The following ARHGAP15 variants were observed in gnomAD, a reference collection of about 807,000 sequenced individuals.
ARHGAP15 encodes the protein Rho GTPase activating protein 15.
A neutral mutation model predicts 63.7 loss-of-function variants in ARHGAP15; 51 were observed. The observed-to-expected ratio is 0.80, with a 90% CI of 0.64 to 1.01. The LOEUF (loss-of-function observed/expected upper bound fraction) is 1.01. ARHGAP15 is among the 50% of genes least tolerant of loss of function. The pLI is 0.00. For missense variants in ARHGAP15, 560 were observed against 564.6 expected (o/e 0.99, Z 0.08); for synonymous variants, 191 against 193.8 (o/e 0.99, Z 0.12).
chr2:143,447,841 C>A (rs2105124699), intron 8 of ARHGAP15, among the ~76,000 whole-genome samples: 3 of 152,222 alleles, frequency 2.0e-5, no homozygotes, highest in Admixed American at 2.0e-4. Flanking sequence ...AGATTTTATG[C>A]ATGAGGAATG....
chr2:143,392,018 G>A (rs1413213914), intron 6 of ARHGAP15, among the ~76,000 whole-genome samples: 1 of 151,970 alleles, frequency 6.6e-6, no homozygotes, highest in African/African-American at 2.4e-5. Context: ...GAGGTCCACT[G>A]GCTTTGACAA....
intron 13 of ARHGAP15, among the ~76,000 whole-genome samples, chr2:143,733,609 TAACA>T (rs1161248053): frequency 1.3e-5 from 2 of 152,204 alleles, no homozygotes; most frequent in African/African-American, 4.8e-5. Flanking sequence ...GTAGCAAGTT[TAACA>T]AACTTATTTC....
intron 3 of ARHGAP15, among the ~76,000 whole-genome samples, chr2:143,210,168 T>A (rs1455189635): frequency 6.6e-6 from 1 of 152,018 alleles, no homozygotes; most frequent in African/African-American, 2.4e-5. Flanking sequence ...ATAAATAGAA[T>A]TCAGGGAAGA....
At chr2:143,685,173 G>C (rs183112917) in intron 12 of ARHGAP15, among the ~76,000 whole-genome samples, 1 of 151,790 alleles carries the variant, frequency 6.6e-6, no homozygotes, top group Non-Finnish European at 1.5e-5. Flanking sequence ...CTCGGGAGAG[G>C]GGGGTGGGCT....
chr2:143,427,734 A>T (rs1689194939), intron 6 of ARHGAP15, among the ~76,000 whole-genome samples: 2 of 152,038 alleles, frequency 1.3e-5, no homozygotes, highest in Admixed American at 1.3e-4. Context: ...TAGCCTTCAG[A>T]CTGCCATTAT....
chr2:143,499,182 T>C (rs1272980444), intron 9 of ARHGAP15, among the ~76,000 whole-genome samples: 2 of 152,232 alleles, frequency 1.3e-5, no homozygotes, highest in Admixed American at 1.3e-4. Flanking sequence ...TTAAAAATGC[T>C]AGTTGGTTTT....
chr2:143,438,045 TGGAA>T (rs1243571033), intron 8 of ARHGAP15, among the ~76,000 whole-genome samples: 1 of 152,146 alleles, frequency 6.6e-6, no homozygotes, highest in East Asian at 1.9e-4. Flanking sequence ...TAGACATCTT[TGGAA>T]CCAGAGAAAA....
At chr2:143,290,783 C>T (rs1040610716) in intron 6 of ARHGAP15, among the ~76,000 whole-genome samples, 2 of 151,944 alleles carry the variant, frequency 1.3e-5, no homozygotes, top group Non-Finnish European at 2.9e-5. Flanking sequence ...CAGTAAATGG[C>T]TGGAATGGGT....
intron 1 of ARHGAP15, among the ~76,000 whole-genome samples, chr2:143,145,041 A>G (rs916530464): frequency 1.6e-4 from 24 of 152,202 alleles, no homozygotes; most frequent in African/African-American, 5.5e-4. Flanking sequence ...TGGAAGGTTC[A>G]GCTAAGTCTG....
intron 9 of ARHGAP15, among the ~76,000 whole-genome samples, chr2:143,518,493 A>C (rs1693919080): frequency 6.6e-6 from 1 of 152,210 alleles, no homozygotes; most frequent in Non-Finnish European, 1.5e-5. Context: ...CCTCATGGGG[A>C]TTCACAGCAC....
intron 6 of ARHGAP15, among the ~76,000 whole-genome samples, chr2:143,330,986 C>T (rs940987215): frequency 2.2e-4 from 33 of 152,108 alleles, no homozygotes; most frequent in Non-Finnish European, 1.8e-4. Context: ...TGATGGTCCT[C>T]GTTGGGCCCT....
intron 8 of ARHGAP15, among the ~76,000 whole-genome samples, chr2:143,472,792 A>T (rs919926942): frequency 1.3e-5 from 2 of 152,168 alleles, no homozygotes; most frequent in Non-Finnish European, 2.9e-5. Flanking sequence ...ATAGTATTTA[A>T]TCCTTGCAAC....
intron 1 of ARHGAP15, among the ~76,000 whole-genome samples, chr2:143,145,408 C>A (rs888457560): frequency 1.3e-5 from 2 of 151,974 alleles, no homozygotes; most frequent in African/African-American, 4.8e-5. Context: ...TCATTCATTG[C>A]CTCACTCTCT....
chr2:143,257,815 G>C (rs1292861276), intron 6 of ARHGAP15, among the ~76,000 whole-genome samples: 1 of 151,928 alleles, frequency 6.6e-6, no homozygotes. Flanking sequence ...CTGCCACTGG[G>C]GAATTTTATG....
intron 6 of ARHGAP15, among the ~76,000 whole-genome samples, chr2:143,405,559 ACT>A (rs942825622): frequency 2.8e-4 from 43 of 151,852 alleles, no homozygotes; most frequent in Admixed American, 2.8e-3. Context: ...TTCTTCTGTC[ACT>A]CTAATTCTCA....
intron 1 of ARHGAP15, among the ~76,000 whole-genome samples, chr2:143,134,838 G>T (rs1261166349): frequency 6.6e-6 from 1 of 151,840 alleles, no homozygotes; most frequent in Admixed American, 6.6e-5. Flanking sequence ...GGGGTTTCAC[G>T]GTGTTAGCCA....
At chr2:143,304,600 T>C (rs1056881866) in intron 6 of ARHGAP15, among the ~76,000 whole-genome samples, 5 of 152,072 alleles carry the variant, frequency 3.3e-5, no homozygotes, top group Admixed American at 1.3e-4. Context: ...ACTTAAAGTA[T>C]ATAATAAAAA....
At chr2:143,538,593 T>A (rs1046701103) in intron 10 of ARHGAP15, among the ~76,000 whole-genome samples, 1 of 152,094 alleles carries the variant, frequency 6.6e-6, no homozygotes, top group African/African-American at 2.4e-5. Context: ...GCATGAAGGG[T>A]TGTTGAATTT....
chr2:143,610,775 G>A (rs1309130789), intron 11 of ARHGAP15, among the ~76,000 whole-genome samples: 8 of 152,000 alleles, frequency 5.3e-5, no homozygotes, highest in Admixed American at 2.0e-4. Flanking sequence ...GTCACCCAGG[G>A]TACAGTGCAG....
Sources: allele counts gnomAD v4.1 joint callset (sites outside exome capture counted in the v4.1 genomes callset), GRCh38; gene constraint gnomAD v4.1.1; transcripts MANE v1.5; gene names NCBI Gene and HGNC (gene_info 2026-07-23, HGNC 2026-07-21).